LGSN: variants seen among roughly 807,000 people sequenced by gnomAD.
The protein encoded by LGSN is lengsin, lens protein with glutamine synthetase domain.
A neutral mutation model predicts 19.5 loss-of-function variants in LGSN; 21 were observed. The ratio of observed to expected loss-of-function variants is 1.07; its 90% CI spans 0.76 to 1.55. The LOEUF (loss-of-function observed/expected upper bound fraction) is 1.55. Ranked by LOEUF, LGSN falls within the 40% of genes most tolerant of loss-of-function variation. LGSN has a pLI of 0.00. For synonymous variants in LGSN, 257 were observed against 215.6 expected (o/e 1.19, Z -1.68); for missense variants, 673 against 608.5 (o/e 1.11, Z -1.12).
At chr6:63,314,755 G>C (rs1269582310) in intron 1 of LGSN, among the ~76,000 whole-genome samples, 1 of 152,160 alleles carries the variant, frequency 6.6e-6, no homozygotes, top group East Asian at 1.9e-4. Context: ...AAAGGCTTAA[G>C]GAGAATGGAA....
the LGSN span, among the ~76,000 whole-genome samples, chr6:63,539,713 G>A: frequency 1.3e-5 from 2 of 151,842 alleles, no homozygotes; most frequent in Non-Finnish European, 2.9e-5. Flanking sequence ...AGGTTGCAGT[G>A]AGCTGAGATC....
chr6:63,354,973 C>T, the LGSN span, among the ~76,000 whole-genome samples: 1 of 151,520 alleles, frequency 6.6e-6, no homozygotes, highest in Admixed American at 6.6e-5. Context: ...CAATTACTAA[C>T]GACTAGGAAG....
the LGSN span, among the ~76,000 whole-genome samples, chr6:63,464,468 T>G: frequency 6.6e-6 from 1 of 151,388 alleles, no homozygotes; most frequent in African/African-American, 2.4e-5. Context: ...GCATTGACAG[T>G]ACAGAGACAA....
At chr6:63,508,221 T>C in the LGSN span, among the ~76,000 whole-genome samples, 1 of 152,182 alleles carries the variant, frequency 6.6e-6, no homozygotes, top group Non-Finnish European at 1.5e-5. Context: ...TTTAGGACAT[T>C]AAAGCTGAAA....
the LGSN span, among the ~76,000 whole-genome samples, chr6:63,402,812 A>G: frequency 6.6e-6 from 1 of 152,104 alleles, no homozygotes; most frequent in South Asian, 2.1e-4. Flanking sequence ...GATGAGATTA[A>G]CATTTAAATA....
chr6:63,308,941 A>T (rs1322749396), intron 1 of LGSN, among the ~76,000 whole-genome samples: 2 of 152,226 alleles, frequency 1.3e-5, no homozygotes, highest in Non-Finnish European at 2.9e-5. Context: ...ACTTGTATTA[A>T]TTACTTTAAA....
the LGSN span, among the ~76,000 whole-genome samples, chr6:63,357,808 T>C: frequency 6.6e-5 from 10 of 152,342 alleles, no homozygotes; most frequent in Admixed American, 5.2e-4. Context: ...TGGTAGTTTC[T>C]TTTGCTGTGC....
At chr6:63,376,614 T>C in the LGSN span, among the ~76,000 whole-genome samples, 1 of 152,216 alleles carries the variant, frequency 6.6e-6, no homozygotes, top group Non-Finnish European at 1.5e-5. Context: ...ATTGCATTTC[T>C]CTTTAACTTC....
the LGSN span, chr6:63,441,529 G>A: frequency 4.8e-6 from 2 of 416,654 alleles, no homozygotes; most frequent in Admixed American, 5.8e-5. Flanking sequence ...TGTACAGACA[G>A]ACCACAAGTG....
At chr6:63,367,283 C>A in the LGSN span, among the ~76,000 whole-genome samples, 3 of 152,260 alleles carry the variant, frequency 2.0e-5, no homozygotes, top group East Asian at 5.8e-4. Context: ...GGGTGAAGGA[C>A]ATGAACAGAC....
chr6:63,281,834 A>C (rs1034680606), intron 3 of LGSN, among the ~76,000 whole-genome samples: 11 of 152,166 alleles, frequency 7.2e-5, no homozygotes, highest in African/African-American at 2.4e-4. Context: ...TAAAAACCTC[A>C]CTGTCTCAGA....
the LGSN span, among the ~76,000 whole-genome samples, chr6:63,336,179 G>T: frequency 6.6e-6 from 1 of 152,074 alleles, no homozygotes; most frequent in African/African-American, 2.4e-5. Flanking sequence ...ACTATACAAC[G>T]CATTTTTTAA....
the LGSN span, among the ~76,000 whole-genome samples, chr6:63,405,037 T>C: frequency 2.1e-5 from 3 of 145,282 alleles, no homozygotes; most frequent in Non-Finnish European, 4.5e-5. Context: ...TTCCCACCTA[T>C]GAGTGAGAAT....
chr6:63,329,834 A>G, the LGSN span, among the ~76,000 whole-genome samples: 1 of 152,360 alleles, frequency 6.6e-6, no homozygotes, highest in South Asian at 2.1e-4. Context: ...TGAAAAGAGC[A>G]AAGTCTCCCA....
At chr6:63,495,442 C>CT in the LGSN span, among the ~76,000 whole-genome samples, 1 of 113,800 alleles carries the variant, frequency 8.8e-6, no homozygotes, top group Non-Finnish European at 1.8e-5. Context: ...AATCTTCTTT[C>CT]TTTTTTTCTT....
the LGSN span, among the ~76,000 whole-genome samples, chr6:63,377,930 A>G: frequency 0.014 from 2,086 of 149,634 alleles, 25 homozygotes; most frequent in Non-Finnish European, 0.023. Flanking sequence ...AAAAAAAAAA[A>G]AAAAAGAAAA....
chr6:63,489,899 A>C, the LGSN span, among the ~76,000 whole-genome samples: 1 of 151,200 alleles, frequency 6.6e-6, no homozygotes, highest in Non-Finnish European at 1.5e-5. Flanking sequence ...TAGTAGACAC[A>C]GGGTTTTACC....
At chr6:63,434,755 C>T in the LGSN span, among the ~76,000 whole-genome samples, 1 of 152,130 alleles carries the variant, frequency 6.6e-6, no homozygotes, top group Non-Finnish European at 1.5e-5. Flanking sequence ...CCACAGGTGC[C>T]TCCCATTGGC....
At chr6:63,558,131 A>G in the LGSN span, among the ~76,000 whole-genome samples, 1 of 152,094 alleles carries the variant, frequency 6.6e-6, no homozygotes, top group Non-Finnish European at 1.5e-5. Flanking sequence ...CGGCCTCCCA[A>G]AGTGCTGGGA....
Sources: gnomAD v4.1 joint callset for allele counts (sites outside exome capture counted in the v4.1 genomes callset) on GRCh38, gnomAD v4.1.1 for gene constraint, MANE v1.5 for transcripts, NCBI Gene and HGNC (gene_info 2026-07-23, HGNC 2026-07-21) for gene names.